The following ERC1 variants were observed in gnomAD, a reference collection of about 807,000 sequenced individuals.
ERC1 encodes the protein ELKS/RAB6-interacting/CAST family member 1.
Under a neutral mutation model 132.0 loss-of-function variants are expected in ERC1, and 56 were observed. That is an observed-to-expected ratio of 0.42 (90% CI 0.34 to 0.53). The LOEUF (loss-of-function observed/expected upper bound fraction) is 0.53. Among genes scored for constraint, ERC1 ranks in the 20% least tolerant of loss-of-function variants. The pLI is 0.03. For missense variants in ERC1, 1,202 were observed against 1,349.9 expected, an observed-to-expected ratio of 0.89 and a Z score of 1.72; for synonymous variants, 478 against 476.1, an observed-to-expected ratio of 1.00 and a Z score of -0.05.
chr12:1,143,344 G>GTA (rs1950032415), intron 8 of ERC1, among the ~76,000 whole-genome samples: 1 of 130,978 alleles, frequency 7.6e-6, no homozygotes, highest in African/African-American at 4.1e-5. Context: ...GTGTGTGTGT[G>GTA]TGTGTGTGTG....
At chr12:1,134,016 A>G (rs1261872592) in intron 7 of ERC1, among the ~76,000 whole-genome samples, 2 of 152,168 alleles carry the variant, frequency 1.3e-5, no homozygotes, top group African/African-American at 4.8e-5. Context: ...GATGCCAAGC[A>G]TTGTGAGTTT....
chr12:1,028,759 C>T (rs1047030883), intron 2 of ERC1, among the ~76,000 whole-genome samples, 187 bp downstream of exon 2: 3 of 151,858 alleles, frequency 2.0e-5, no homozygotes, highest in African/African-American at 4.8e-5. Context: ...CTGTTTTCTT[C>T]TAGCTGCCCA....
chr12:1,141,490 G>C, intron 7 of ERC1, 130 bp from the exon 8 acceptor site: 1 of 595,272 alleles, frequency 1.7e-6, no homozygotes, highest in Non-Finnish European at 2.7e-6. Context: ...GAGAAACATA[G>C]ATGTAGATAA....
At chr12:1,192,391 G>A (rs1594105694) in intron 12 of ERC1, among the ~76,000 whole-genome samples, 1 of 152,136 alleles carries the variant, frequency 6.6e-6, no homozygotes, top group Non-Finnish European at 1.5e-5. Context: ...TTTAGTACTC[G>A]TTTGCATATG....
chr12:1,138,205 T>C (rs1236453076), intron 7 of ERC1, among the ~76,000 whole-genome samples: 2 of 123,656 alleles, frequency 1.6e-5, no homozygotes, highest in Non-Finnish European at 3.1e-5. Flanking sequence ...TTATATATGA[T>C]ATATATTATA....
At chr12:1,225,406 C>T (rs1039080015) in intron 12 of ERC1, among the ~76,000 whole-genome samples, 1 of 149,604 alleles carries the variant, frequency 6.7e-6, no homozygotes, top group Non-Finnish European at 1.5e-5. Flanking sequence ...GCTATGATCA[C>T]GCCACTCTAC....
rs149411973 is a variant in ERC1 at position 1,164,839 on chromosome 12, C to T, written c.1738-15701C>T. On this transcript the variant is annotated intron_variant, in intron 8 of 18. Transcript: ENST00000360905. ...AATCAAAGAGTGAGTTTTTTTTGTG[C>T]GGTATGGCAATAAAATTCTTACTCC... 2.7e-3 allele frequency among the ~76,000 whole-genome samples: 403 copies of T among 152,050 alleles called. 1 individual carries two copies. Among genetic ancestry groups the T allele is most frequent in the African/African-American group, 8.3e-3 (343 of 41,494 alleles).
chr12:1,264,907 C>T (rs2077381584), intron 14 of ERC1, among the ~76,000 whole-genome samples: 1 of 152,062 alleles, frequency 6.6e-6, no homozygotes, highest in South Asian at 2.1e-4. Flanking sequence ...AGTATGTGCC[C>T]CAGGGAGTCC....
At chr12:1,419,254 A>G (rs1273447335) in intron 17 of ERC1, among the ~76,000 whole-genome samples, 3 of 152,056 alleles carry the variant, frequency 2.0e-5, no homozygotes, top group Admixed American at 6.6e-5. Context: ...CAATGTATGT[A>G]TGTTGGACTA....
At chr12:1,230,504 A>G (rs2074945613) in intron 12 of ERC1, among the ~76,000 whole-genome samples, 2 of 152,346 alleles carry the variant, frequency 1.3e-5, no homozygotes, top group South Asian at 4.1e-4. Flanking sequence ...AACATATGTT[A>G]TATTCTGGGG....
intron 12 of ERC1, chr12:1,190,323 G>GT (rs138610226): frequency 1.6e-4 from 73 of 469,682 alleles, no homozygotes; most frequent in East Asian, 3.9e-4. Flanking sequence ...TAAAATTAAA[G>GT]TTTTTTTTAC....
chr12:1,255,284 T>C (rs1420853670), intron 13 of ERC1, among the ~76,000 whole-genome samples: 1 of 152,210 alleles, frequency 6.6e-6, no homozygotes, highest in African/African-American at 2.4e-5. Flanking sequence ...CTTATCCTTC[T>C]TTATGGCTGC....
intron 16 of ERC1, among the ~76,000 whole-genome samples, chr12:1,388,141 C>T (rs1327952119): frequency 1.3e-5 from 2 of 151,972 alleles, no homozygotes; most frequent in Non-Finnish European, 2.9e-5. Context: ...GCGGGCGGAT[C>T]AGGAGGTCAG....
intron 8 of ERC1, among the ~76,000 whole-genome samples, chr12:1,166,691 A>G (rs1411074283): frequency 6.6e-6 from 1 of 152,014 alleles, no homozygotes; most frequent in African/African-American, 2.4e-5. Context: ...CATTATATTG[A>G]TTGATTTTTG....
At chr12:1,392,784 G>A (rs2090085795) in intron 16 of ERC1, among the ~76,000 whole-genome samples, 1 of 152,126 alleles carries the variant, frequency 6.6e-6, no homozygotes, top group Non-Finnish European at 1.5e-5. Context: ...TTTTAGAAAA[G>A]CCTGATTTTA....
At chr12:1,166,081 A>C (rs1952396708) in intron 8 of ERC1, among the ~76,000 whole-genome samples, 1 of 152,134 alleles carries the variant, frequency 6.6e-6, no homozygotes, top group East Asian at 1.9e-4. Flanking sequence ...ATTGGTTTTG[A>C]AATGTGAAGA....
rs370196188 is a variant in ERC1, at chr12:1,452,891, CT to C, written c.3213+8142del. On this transcript the variant is annotated intron_variant, in intron 18 of 18. Coordinates refer to ENST00000360905, the MANE Select transcript of ERC1 (RefSeq NM_178040.4). ...TGAGCTGGGTTTGGGCTTCTTTCCACTCTAGTTACCTTCATGGTGCCACAGG... is the reference window on the plus strand; with the variant it reads ...TGAGCTGGGTTTGGGCTTCTTTCCACCTAGTTACCTTCATGGTGCCACAGG... Among the ~76,000 whole-genome samples, 597 of 152,334 alleles carry C rather than the reference CT, an allele frequency of 3.9e-3. 3 individuals are homozygous for C. Among genetic ancestry groups the C allele is most frequent in the African/African-American group, 0.013 (559 of 41,572 alleles).
intron 18 of ERC1, among the ~76,000 whole-genome samples, chr12:1,445,815 G>C (rs1353633584): frequency 6.6e-6 from 1 of 152,242 alleles, no homozygotes; most frequent in Non-Finnish European, 1.5e-5. Context: ...GGTAGCCACT[G>C]AAGGAAAGTC....
At chr12:1,227,799 A>G (rs181359322) in intron 12 of ERC1, among the ~76,000 whole-genome samples, 111 of 152,298 alleles carry the variant, frequency 7.3e-4, no homozygotes, top group African/African-American at 2.5e-3. Context: ...TCTTATGTTT[A>G]AGTCTAATCC....
Sources: allele counts gnomAD v4.1 joint callset (sites outside exome capture counted in the v4.1 genomes callset), GRCh38; gene constraint gnomAD v4.1.1; transcripts MANE v1.5; gene names NCBI Gene and HGNC (gene_info 2026-07-23, HGNC 2026-07-21).